Variants in TRPC5 observed in about 807,000 individuals in gnomAD.
TRPC5 encodes short transient receptor potential channel 5.
A neutral mutation model predicts 56.5 loss-of-function variants in TRPC5; 9 were observed. The observed-to-expected ratio is 0.16, with a 90% confidence interval of 0.10 to 0.28. The LOEUF (loss-of-function observed/expected upper bound fraction) is 0.28, where lower values mean the gene tolerates loss of function less well. Ranked by LOEUF, TRPC5 falls within the 10% of genes least tolerant of loss-of-function variation. TRPC5 has a pLI of 1.00. For missense variants in TRPC5, 469 were observed against 748.9 expected, an observed-to-expected ratio of 0.63 and a Z score of 4.36; for synonymous variants, 282 against 278.5, an observed-to-expected ratio of 1.01 and a Z score of -0.13.
chrX:111,852,896 A>G (rs998837885), intron 4 of TRPC5, among the ~76,000 whole-genome samples: 2 of 111,573 alleles, frequency 1.8e-5, no homozygotes, highest in Admixed American at 1.9e-4. Flanking sequence ...TGTTGGGGCT[A>G]AAGCTAGGCA....
chrX:112,060,930 G>A (rs766233954), intron 1 of TRPC5, among the ~76,000 whole-genome samples: 3 of 112,152 alleles, frequency 2.7e-5, no homozygotes, highest in Non-Finnish European at 1.9e-5. Flanking sequence ...CTAATTTTGT[G>A]GACTCTTAGA....
chrX:111,786,471 G>A (rs748562045), intron 7 of TRPC5, among the ~76,000 whole-genome samples: 1 of 111,742 alleles, frequency 8.9e-6, no homozygotes, highest in East Asian at 2.8e-4. Flanking sequence ...ATGCCAAATT[G>A]TAAAGACCAT....
rs187424864 is a variant in TRPC5 at position 111,952,483 on chromosome X, C to T, written c.-21-42G>A. 18 of 1,140,750 alleles carry T rather than the reference C, an allele frequency of 1.6e-5. No individual in the cohort carries two copies. In the Admixed American group the frequency reaches 3.1e-4, roughly 20 times the overall value. 94.0% of individuals were successfully genotyped at this position (1,140,750 alleles called of 1,213,427 possible). ...AGAAAGACCAAAATATCCTTAGATA[C>T]GTGGAGGTCTCAAGTGGCCAGTTAT... On this transcript the variant is annotated intron_variant, in intron 1 of 10. Coordinates refer to ENST00000262839, the MANE Select transcript of TRPC5 (RefSeq NM_012471.3).
At chrX:112,045,313 A>G (rs7876948) in intron 1 of TRPC5, among the ~76,000 whole-genome samples, 27,738 of 110,771 alleles carry the variant, frequency 0.25, 4,423 homozygotes, top group African/African-American at 0.59. Flanking sequence ...AAATGGGAGT[A>G]ATGTGGTCAC....
chrX:112,035,791 C>A (rs1222959449), intron 1 of TRPC5, among the ~76,000 whole-genome samples: 1 of 108,434 alleles, frequency 9.2e-6, no homozygotes, highest in East Asian at 2.9e-4. Flanking sequence ...GCCACCATGC[C>A]TGGCTAATTT....
At chrX:111,992,906 T>C (rs1366448652) in intron 1 of TRPC5, among the ~76,000 whole-genome samples, 1 of 110,560 alleles carries the variant, frequency 9.0e-6, no homozygotes, top group Non-Finnish European at 1.9e-5. Context: ...ATTATTATTA[T>C]TATTATTTAT....
At chrX:111,810,148 C>T (rs1046057587) in intron 7 of TRPC5, among the ~76,000 whole-genome samples, 5 of 110,837 alleles carry the variant, frequency 4.5e-5, no homozygotes, top group South Asian at 7.8e-4. Context: ...CTCCTGACCT[C>T]GTGATCCGCC....
intron 2 of TRPC5, among the ~76,000 whole-genome samples, chrX:111,929,922 CAG>C (rs1926362402): frequency 8.9e-6 from 1 of 111,809 alleles, no homozygotes; most frequent in Admixed American, 9.5e-5. Flanking sequence ...TGCAAAATCA[CAG>C]AGTTAGAAGA....
intron 1 of TRPC5, among the ~76,000 whole-genome samples, chrX:112,062,832 TAGTGACTATGTGC>T (rs773802383): frequency 8.9e-6 from 1 of 111,775 alleles, no homozygotes; most frequent in African/African-American, 3.3e-5. Flanking sequence ...AGGATGAATC[TAGTGACTATGTGC>T]AGAATGGATT....
chrX:111,862,831 G>A (rs1923442633), intron 3 of TRPC5, among the ~76,000 whole-genome samples: 1 of 111,876 alleles, frequency 8.9e-6, no homozygotes, highest in African/African-American at 3.2e-5. Context: ...TTCCACTTAC[G>A]TAGATCTTCT....
chrX:111,988,917 G>C (rs775886622), intron 1 of TRPC5, among the ~76,000 whole-genome samples: 1 of 111,718 alleles, frequency 9.0e-6, no homozygotes, highest in South Asian at 3.7e-4. Context: ...TAAACTTTGG[G>C]CAAGTTATTT....
intron 7 of TRPC5, among the ~76,000 whole-genome samples, chrX:111,807,978 G>A (rs1252369640): frequency 9.1e-6 from 1 of 110,111 alleles, no homozygotes. Flanking sequence ...GTGTGTGTGT[G>A]TGTGTGTGTG....
chrX:112,033,175 C>CA (rs1929630257), intron 1 of TRPC5, among the ~76,000 whole-genome samples: 1 of 87,202 alleles, frequency 1.1e-5, no homozygotes. Flanking sequence ...ACAATGAGAA[C>CA]ACTTGGACAC....
rs180990918 is a variant in TRPC5 at position 111,999,331 on chromosome X, T to G, written c.-21-46890A>C. The stretch of plus-strand genomic sequence containing the variant: ...ACTCACTACCTCCATGAGATGAATT[T>G]TTTTTTTACTCCCACGTATGAGTGA... On this transcript the variant is annotated intron_variant, in intron 1 of 10. Transcript: ENST00000262839. Among the ~76,000 whole-genome samples the G allele has an allele frequency of 4.0e-3, 452 of 111,930 alleles. 4 individuals carry two copies. Among genetic ancestry groups the G allele is most frequent in the African/African-American group, 0.014 (420 of 30,799 alleles).
chrX:111,907,467 A>C (rs1925668059), intron 3 of TRPC5, among the ~76,000 whole-genome samples: 1 of 109,680 alleles, frequency 9.1e-6, no homozygotes, highest in Non-Finnish European at 1.9e-5. Context: ...TCTACTAAAA[A>C]TACAAAAATT....
At chrX:111,835,471 G>A (rs1158527616) in intron 6 of TRPC5, among the ~76,000 whole-genome samples, 2 of 112,059 alleles carry the variant, frequency 1.8e-5, no homozygotes, top group Non-Finnish European at 3.8e-5. Flanking sequence ...ATTATGCAGA[G>A]GCAATACATG....
intron 2 of TRPC5, among the ~76,000 whole-genome samples, chrX:111,944,067 G>T (rs935768874): frequency 1.8e-5 from 2 of 111,533 alleles, no homozygotes; most frequent in East Asian, 5.7e-4. Context: ...ATTAGGTAGG[G>T]CTAGGCATTG....
chrX:111,803,779 A>G (rs149406193), intron 7 of TRPC5, among the ~76,000 whole-genome samples: 24,021 of 111,095 alleles, frequency 0.22, 6,250 homozygotes, highest in African/African-American at 0.74. Flanking sequence ...GATTGCAAAA[A>G]ATTTCTCCCA....
intron 1 of TRPC5, among the ~76,000 whole-genome samples, chrX:112,044,126 T>C (rs1427082175): frequency 8.9e-6 from 1 of 111,916 alleles, no homozygotes; most frequent in Non-Finnish European, 1.9e-5. Context: ...ATTTTTGTCA[T>C]AGTTTAAAAT....
Sources: gnomAD v4.1 joint callset for allele counts (sites outside exome capture counted in the v4.1 genomes callset) on GRCh38, gnomAD v4.1.1 for gene constraint, MANE v1.5 for transcripts, NCBI Gene and HGNC (gene_info 2026-07-23, HGNC 2026-07-21) for gene names.